RGS6: variants seen among roughly 807,000 people sequenced by gnomAD.
RGS6 encodes the protein regulator of G protein signaling 6, also known as regulator of G-protein signaling 6.
In RGS6, 30 loss-of-function variants were observed where a neutral mutation model predicts 78.5. The ratio of observed to expected loss-of-function variants is 0.38; its 90% CI spans 0.29 to 0.52. The LOEUF is 0.52. Among genes scored for constraint, RGS6 ranks in the 20% least tolerant of loss-of-function variants. RGS6 has a pLI of 0.85. For missense variants in RGS6, 495 were observed against 609.7 expected (o/e 0.81, Z 1.98); for synonymous variants, 206 against 206.0 (o/e 1.00, Z 0.00).
intron 2 of RGS6, among the ~76,000 whole-genome samples, chr14:72,236,839 G>A (rs1164657080): frequency 1.3e-5 from 2 of 152,116 alleles, no homozygotes; most frequent in African/African-American, 4.8e-5. Context: ...ACACGCGGTG[G>A]CAGCTGCGCA....
chr14:72,091,630 A>G (rs552783831), intron 2 of RGS6, among the ~76,000 whole-genome samples: 1 of 152,286 alleles, frequency 6.6e-6, no homozygotes, highest in African/African-American at 2.4e-5. Context: ...CTTTAAAGAG[A>G]ATGTAAATGG....
At chr14:72,187,226 T>C (rs1299380264) in intron 2 of RGS6, among the ~76,000 whole-genome samples, 1 of 152,348 alleles carries the variant, frequency 6.6e-6, no homozygotes, top group Non-Finnish European at 1.5e-5. Context: ...CACTGCCTTA[T>C]AGGATATTGC....
intron 2 of RGS6, among the ~76,000 whole-genome samples, chr14:72,034,084 A>C (rs1394697489): frequency 2.0e-5 from 3 of 152,138 alleles, no homozygotes; most frequent in South Asian, 4.1e-4. Flanking sequence ...CTATTCTTCA[A>C]GTCCTTTGCC....
intron 2 of RGS6, among the ~76,000 whole-genome samples, chr14:72,049,884 AGTAGGAAG>A (rs2093118862): frequency 6.6e-6 from 1 of 152,180 alleles, no homozygotes; most frequent in Admixed American, 6.5e-5. Context: ...AATTTAAGAA[AGTAGGAAG>A]GTAGGAAATA....
At chr14:72,602,681 C>T in the RGS6 span, among the ~76,000 whole-genome samples, 2 of 152,200 alleles carry the variant, frequency 1.3e-5, no homozygotes, top group African/African-American at 2.4e-5. Flanking sequence ...TCCTGACTTC[C>T]ATTATGTAAT....
intron 15 of RGS6, among the ~76,000 whole-genome samples, chr14:72,529,305 A>T (rs1265334515): frequency 9.9e-5 from 15 of 152,160 alleles, no homozygotes; most frequent in Admixed American, 9.8e-4. Flanking sequence ...TGGATCTGCT[A>T]TTACTGCTGT....
chr14:72,162,529 G>C (rs2096866921), intron 2 of RGS6, among the ~76,000 whole-genome samples: 1 of 152,146 alleles, frequency 6.6e-6, no homozygotes, highest in African/African-American at 2.4e-5. Context: ...TGGTCCCTGA[G>C]GTAGGATGGG....
At chr14:72,276,290 G>A (rs550167304) in intron 2 of RGS6, among the ~76,000 whole-genome samples, 1 of 152,294 alleles carries the variant, frequency 6.6e-6, no homozygotes, top group South Asian at 2.1e-4. Flanking sequence ...TGGAAGGAGA[G>A]GGTCTACAGC....
chr14:72,477,694 G>A (rs559119467), intron 11 of RGS6, among the ~76,000 whole-genome samples: 99 of 151,886 alleles, frequency 6.5e-4, no homozygotes, highest in African/African-American at 2.3e-3. Context: ...CTACTCGGGA[G>A]GCTGAGACAG....
intron 3 of RGS6, among the ~76,000 whole-genome samples, chr14:72,401,051 G>C (rs2092334281): frequency 6.6e-6 from 1 of 152,098 alleles, no homozygotes; most frequent in South Asian, 2.1e-4. Flanking sequence ...AATTTTGACT[G>C]GTTTCACTAT....
At chr14:72,619,205 G>A in the RGS6 span, 13 of 1,285,840 alleles carry the variant, frequency 1.0e-5, no homozygotes, top group South Asian at 1.6e-4. Flanking sequence ...CAGTTGGTCT[G>A]GCTGGATATG....
chr14:72,112,569 C>T (rs149869294), intron 2 of RGS6, among the ~76,000 whole-genome samples: 66 of 152,236 alleles, frequency 4.3e-4, no homozygotes, highest in Non-Finnish European at 8.1e-4. Context: ...GATGGTCCAA[C>T]GATAATTACA....
At chr14:72,409,026 C>T (rs553784289) in intron 3 of RGS6, among the ~76,000 whole-genome samples, 2 of 152,196 alleles carry the variant, frequency 1.3e-5, no homozygotes, top group East Asian at 1.9e-4. Flanking sequence ...CCATATATGT[C>T]GGAGTACACT....
At chr14:71,924,480 T>C in the RGS6 span, among the ~76,000 whole-genome samples, 6 of 152,198 alleles carry the variant, frequency 3.9e-5, no homozygotes, top group Admixed American at 3.3e-4. Context: ...ATGCTATACA[T>C]TAGATTCCTA....
At chr14:72,597,706 A>G in the RGS6 span, among the ~76,000 whole-genome samples, 623 of 152,288 alleles carry the variant, frequency 4.1e-3, 4 homozygotes, top group African/African-American at 0.014. Context: ...TCAAACATTC[A>G]TCATTTCTTT....
intron 2 of RGS6, among the ~76,000 whole-genome samples, chr14:72,065,566 TTTTC>T (rs1164099737): frequency 6.6e-6 from 1 of 152,162 alleles, no homozygotes; most frequent in African/African-American, 2.4e-5. Flanking sequence ...ACAATGATCT[TTTTC>T]TATTGCCATA....
At chr14:72,301,106 G>A (rs1318354847) in intron 2 of RGS6, among the ~76,000 whole-genome samples, 1 of 152,192 alleles carries the variant, frequency 6.6e-6, no homozygotes, top group Non-Finnish European at 1.5e-5. Flanking sequence ...TGAAAACAAG[G>A]TAGGATTTGT....
chr14:71,961,458 C>T (rs1171494389), intron 1 of RGS6, among the ~76,000 whole-genome samples: 1 of 152,054 alleles, frequency 6.6e-6, no homozygotes, highest in Non-Finnish European at 1.5e-5. Context: ...AGAGGGCTTT[C>T]CACTATGCTG....
At chr14:72,087,071 C>G (rs528771989) in intron 2 of RGS6, among the ~76,000 whole-genome samples, 4 of 152,122 alleles carry the variant, frequency 2.6e-5, no homozygotes, top group African/African-American at 7.2e-5. Context: ...ATATTTTTCT[C>G]TGAGTATTTT....
Sources: allele counts gnomAD v4.1 joint callset (sites outside exome capture counted in the v4.1 genomes callset), GRCh38; gene constraint gnomAD v4.1.1; transcripts MANE v1.5; gene names NCBI Gene and HGNC (gene_info 2026-07-23, HGNC 2026-07-21).